Variants in CPPED1 observed in about 807,000 individuals in gnomAD.
CPPED1 encodes the protein calcineurin like phosphoesterase domain containing 1, also known as serine/threonine-protein phosphatase CPPED1.
A neutral mutation model predicts 28.0 loss-of-function variants in CPPED1; 28 were observed. The observed-to-expected ratio is 1.00, with a 90% CI of 0.74 to 1.37. CPPED1 has a LOEUF of 1.37. Ranked by LOEUF, CPPED1 falls within the 40% of genes most tolerant of loss-of-function variation. CPPED1 has a pLI of 0.00. For synonymous variants in CPPED1, 198 were observed against 180.2 expected (o/e 1.10, Z -0.79); for missense variants, 504 against 416.5 (o/e 1.21, Z -1.83).
intron 2 of CPPED1, among the ~76,000 whole-genome samples, chr16:12,728,855 C>T (rs1048870648): frequency 1.3e-5 from 2 of 152,200 alleles, no homozygotes; most frequent in African/African-American, 4.8e-5. Flanking sequence ...GCTTGGGCAA[C>T]ATACGGAGAC....
chr16:12,760,401 C>T (rs1221216596), intron 2 of CPPED1: 2 of 152,140 alleles, frequency 1.3e-5, no homozygotes, highest in Non-Finnish European at 2.9e-5. Flanking sequence ...TCAGAAAGAA[C>T]AAAGAGTTTA....
chr16:12,776,774 C>T (rs974681713), intron 2 of CPPED1, among the ~76,000 whole-genome samples: 7 of 152,026 alleles, frequency 4.6e-5, no homozygotes, highest in African/African-American at 1.7e-4. Context: ...CAAAAATTAG[C>T]CGGGTGTGGT....
At chr16:12,733,076 T>G (rs2080207655) in intron 2 of CPPED1, among the ~76,000 whole-genome samples, 1 of 152,126 alleles carries the variant, frequency 6.6e-6, no homozygotes, top group African/African-American at 2.4e-5. Context: ...ATTGGTAAGC[T>G]CAGACTTTTG....
Position 12,803,811 on chromosome 16 carries a change from GC to G in CPPED1, c.-36del. 4 of 1,577,310 alleles carry G rather than the reference GC, an allele frequency of 2.5e-6. No individual in the cohort carries two copies. Among genetic ancestry groups the G allele is most frequent in the Non-Finnish European group, 3.4e-6 (4 of 1,161,762 alleles). On this transcript the variant is annotated 5_prime_UTR_variant, in exon 1 of 4. Transcript: ENST00000381774. ...GTTTCTGGCCTTCACTTAGAACACT[GC>G]GTGGGTGGAAGCCGCGCGACTTCAC... is the stretch of plus-strand genomic sequence containing the variant.
At chr16:12,798,170 G>C (rs1399516456) in intron 1 of CPPED1, among the ~76,000 whole-genome samples, 1 of 152,104 alleles carries the variant, frequency 6.6e-6, no homozygotes, top group African/African-American at 2.4e-5. Context: ...GTGTTTTCTG[G>C]AAATGTTATA....
At chr16:12,678,638 T>G (rs1473700249) in intron 3 of CPPED1, among the ~76,000 whole-genome samples, 1 of 152,192 alleles carries the variant, frequency 6.6e-6, no homozygotes, top group Non-Finnish European at 1.5e-5. Context: ...TATTTCATGT[T>G]TTATGGTGCT....
chr16:12,688,030 C>T (rs916343531), intron 3 of CPPED1, among the ~76,000 whole-genome samples: 22 of 151,622 alleles, frequency 1.5e-4, no homozygotes, highest in Admixed American at 2.0e-4. Context: ...GCAACTCACA[C>T]TATTTTTTTT....
At chr16:12,683,150 C>T (rs1340861702) in intron 3 of CPPED1, among the ~76,000 whole-genome samples, 1 of 152,210 alleles carries the variant, frequency 6.6e-6, no homozygotes, top group Non-Finnish European at 1.5e-5. Context: ...GGTACTGCAT[C>T]CATCAAAACG....
chr16:12,794,650 G>A (rs538007309), intron 1 of CPPED1, among the ~76,000 whole-genome samples: 1 of 152,262 alleles, frequency 6.6e-6, no homozygotes, highest in African/African-American at 2.4e-5. Context: ...TGTAAAATCT[G>A]AAATCCGAAA....
chr16:12,761,007 A>G (rs1177554937), intron 2 of CPPED1: 3 of 148,954 alleles, frequency 2.0e-5, no homozygotes, highest in Non-Finnish European at 4.4e-5. Context: ...TCCAGTGAGG[A>G]ACACCTGTCT....
chr16:12,688,524 A>T (rs1054584983), intron 3 of CPPED1, among the ~76,000 whole-genome samples: 1 of 152,050 alleles, frequency 6.6e-6, no homozygotes, highest in Non-Finnish European at 1.5e-5. Flanking sequence ...TTTTTAGTAG[A>T]GATGGAGTTT....
chr16:12,701,360 C>T, intron 3 of CPPED1, among the ~76,000 whole-genome samples: 1 of 151,630 alleles, frequency 6.6e-6, no homozygotes, highest in African/African-American at 2.4e-5. Flanking sequence ...ATGGTGAAAC[C>T]CCATCTCTAC....
Position 12,682,113 on chromosome 16 carries a change from A to G in CPPED1, c.716-16998T>C, listed in dbSNP as rs74862601. On this transcript the variant is annotated intron_variant, in intron 3 of 3. Coordinates refer to ENST00000381774, the MANE Select transcript of CPPED1 (RefSeq NM_018340.3). The surrounding 1 kb of genome is among the most constrained non-coding windows in gnomAD (Gnocchi z 6.1). ...CAGTGGCGCGATCTTGGCTCACTGCAACTTGCGTATCCTGGGTTCAAGCAG... is the reference window on the plus strand; with the variant it reads ...CAGTGGCGCGATCTTGGCTCACTGCGACTTGCGTATCCTGGGTTCAAGCAG... Among the ~76,000 whole-genome samples, 10,674 of 152,050 alleles carry G rather than the reference A, an allele frequency of 0.07. 1,125 individuals carry two copies. The highest frequency in any genetic ancestry group is 0.23 in the African/African-American group (9,721 of 41,428).
intron 2 of CPPED1, among the ~76,000 whole-genome samples, chr16:12,720,032 C>G (rs2080130634): frequency 6.6e-6 from 1 of 152,152 alleles, no homozygotes; most frequent in South Asian, 2.1e-4. Flanking sequence ...TACACACACA[C>G]CTATCTGTTT....
intron 2 of CPPED1, among the ~76,000 whole-genome samples, chr16:12,722,626 G>T (rs2080147551): frequency 6.6e-6 from 1 of 152,152 alleles, no homozygotes; most frequent in African/African-American, 2.4e-5. Flanking sequence ...GTCCCAGCGT[G>T]AGGCAGGAGG....
intron 3 of CPPED1, among the ~76,000 whole-genome samples, chr16:12,703,543 G>A (rs552396559): frequency 2.6e-5 from 4 of 152,126 alleles, no homozygotes; most frequent in African/African-American, 7.2e-5. Flanking sequence ...TTAGCCAGGC[G>A]TGGTGGTCAG....
rs2080041622 is a variant in CPPED1, at chr16:12,704,940, G to A, written c.399C>T (p.Thr133=). Residue 133 remains threonine (T), a synonymous_variant, in exon 3 of 4, where the codon ACC becomes ACT. Coordinates refer to ENST00000381774, the MANE Select transcript of CPPED1 (RefSeq NM_018340.3). Reference sequence around the variant, plus strand: ...ACTCCTCGACGGTCTCGGCCGTGGGGGTGTTGCCAATGTCATGGTTGCCGC... The same window carrying A: ...ACTCCTCGACGGTCTCGGCCGTGGGAGTGTTGCCAATGTCATGGTTGCCGC... The part of the protein sequence containing the change: ...LVSGNHDIGN[T]PTAETVEEFC... 6 of 1,614,076 alleles carry A rather than the reference G, an allele frequency of 3.7e-6. No homozygotes were observed. The highest frequency in any genetic ancestry group is 2.7e-5 in the African/African-American group (2 of 74,926).
chr16:12,765,801 T>A (rs977615313), intron 2 of CPPED1, among the ~76,000 whole-genome samples: 1 of 152,216 alleles, frequency 6.6e-6, no homozygotes, highest in Admixed American at 6.5e-5. Flanking sequence ...GCGAAATATA[T>A]GTCCTCACCC....
At chr16:12,752,668 T>A (rs922478343) in intron 2 of CPPED1, among the ~76,000 whole-genome samples, 2 of 147,142 alleles carry the variant, frequency 1.4e-5, no homozygotes, top group Non-Finnish European at 3.0e-5. Flanking sequence ...TGATATATAA[T>A]ATATATTTAT....
Sources: allele counts gnomAD v4.1 joint callset (sites outside exome capture counted in the v4.1 genomes callset), GRCh38; gene constraint gnomAD v4.1.1; non-coding constraint Gnocchi (gnomAD v3.1); transcripts MANE v1.5; gene names NCBI Gene and HGNC (gene_info 2026-07-23, HGNC 2026-07-21).